The following GLIS3 variants were observed in gnomAD, a reference collection of about 807,000 sequenced individuals.
The protein encoded by GLIS3 is zinc finger protein GLIS3.
GLIS3 carries 53 observed loss-of-function variants against 78.6 expected under a neutral mutation model. The observed-to-expected ratio is 0.67, with a 90% CI of 0.54 to 0.85. The LOEUF is 0.85. Ranked by LOEUF, GLIS3 falls within the 40% of genes least tolerant of loss-of-function variation. The pLI, the probability that GLIS3 is intolerant of heterozygous loss-of-function variation, is 0.00. For missense variants in GLIS3, 1,703 were observed against 1,231.1 expected (o/e 1.38, Z -5.74); for synonymous variants, 684 against 509.9 (o/e 1.34, Z -4.60).
chr9:4,243,463 G>T (rs1293194761), intron 2 of GLIS3, among the ~76,000 whole-genome samples: 2 of 151,854 alleles, frequency 1.3e-5, no homozygotes, highest in Admixed American at 1.3e-4. Context: ...CTAACACCAG[G>T]GTAATCTTGA....
the GLIS3 span, among the ~76,000 whole-genome samples, chr9:4,435,812 G>A: frequency 1.3e-5 from 2 of 152,168 alleles, no homozygotes; most frequent in South Asian, 2.1e-4. Flanking sequence ...AGCCGGGCGT[G>A]GTGGCAGGCT....
At chr9:3,930,293 A>G (rs1021252044) in intron 6 of GLIS3, among the ~76,000 whole-genome samples, 2 of 152,240 alleles carry the variant, frequency 1.3e-5, no homozygotes, top group Admixed American at 6.5e-5. Context: ...ATCAAAAGCT[A>G]AGCCATTTGA....
chr9:4,214,298 A>C (rs1820629829), intron 2 of GLIS3, among the ~76,000 whole-genome samples: 1 of 152,256 alleles, frequency 6.6e-6, no homozygotes, highest in Non-Finnish European at 1.5e-5. Flanking sequence ...TTTCAAAGCT[A>C]TCAATGTGTC....
At chr9:4,410,918 T>C in the GLIS3 span, among the ~76,000 whole-genome samples, 1 of 152,236 alleles carries the variant, frequency 6.6e-6, no homozygotes, top group African/African-American at 2.4e-5. Flanking sequence ...TTAGTCACTG[T>C]GAGAAATATA....
the GLIS3 span, among the ~76,000 whole-genome samples, chr9:4,469,475 G>C: frequency 4.6e-5 from 7 of 152,084 alleles, no homozygotes; most frequent in Non-Finnish European, 8.8e-5. Flanking sequence ...ACTAAGGATT[G>C]AGAAACTCAC....
At chr9:4,275,886 A>G (rs1446560996) in intron 2 of GLIS3, among the ~76,000 whole-genome samples, 3 of 152,218 alleles carry the variant, frequency 2.0e-5, no homozygotes, top group Non-Finnish European at 2.9e-5. Context: ...ATCTCATAGG[A>G]TGCTGCCTTT....
At chr9:4,326,367 T>C (rs945473273) in intron 2 of GLIS3, among the ~76,000 whole-genome samples, 18 of 152,222 alleles carry the variant, frequency 1.2e-4, no homozygotes, top group African/African-American at 4.3e-4. Flanking sequence ...TGGAATATTA[T>C]TCAGCCTTCA....
intron 9 of GLIS3, among the ~76,000 whole-genome samples, chr9:3,836,251 G>T (rs1818344643): frequency 6.6e-6 from 1 of 152,218 alleles, no homozygotes; most frequent in South Asian, 2.1e-4. Context: ...AGAATTGGCA[G>T]CCCCTCAGTT....
intron 4 of GLIS3, among the ~76,000 whole-genome samples, chr9:4,116,213 G>A (rs964546085): frequency 6.6e-6 from 1 of 152,204 alleles, no homozygotes; most frequent in Non-Finnish European, 1.5e-5. Context: ...TTTCAGCCAG[G>A]ATTAGTCAGA....
chr9:3,952,682 G>C (rs1816778972), intron 4 of GLIS3, among the ~76,000 whole-genome samples: 2 of 152,092 alleles, frequency 1.3e-5, no homozygotes, highest in African/African-American at 4.8e-5. Flanking sequence ...GAATTTATCA[G>C]GTAATTTTTG....
intron 2 of GLIS3, among the ~76,000 whole-genome samples, chr9:4,251,546 G>C (rs890380363): frequency 2.6e-5 from 4 of 151,712 alleles, no homozygotes; most frequent in African/African-American, 9.7e-5. Flanking sequence ...ACACCAATGA[G>C]TCTTGAGTCT....
chr9:4,116,946 G>A (rs918411712), intron 4 of GLIS3, among the ~76,000 whole-genome samples: 1 of 152,040 alleles, frequency 6.6e-6, no homozygotes, highest in African/African-American at 2.4e-5. Context: ...AAACCCTGAG[G>A]GTTTCTGTGA....
At chr9:3,907,748 C>G (rs1339728394) in intron 6 of GLIS3, among the ~76,000 whole-genome samples, 1 of 152,116 alleles carries the variant, frequency 6.6e-6, no homozygotes, top group African/African-American at 2.4e-5. Flanking sequence ...CTGAGACTAC[C>G]TGAATTGGCA....
At chr9:4,381,817 A>G in the GLIS3 span, among the ~76,000 whole-genome samples, 1 of 152,192 alleles carries the variant, frequency 6.6e-6, no homozygotes, top group Non-Finnish European at 1.5e-5. Flanking sequence ...AGGAAGAGCC[A>G]TTATTTCTTT....
intron 4 of GLIS3, among the ~76,000 whole-genome samples, chr9:3,996,508 T>A (rs1422622358): frequency 1.3e-5 from 2 of 152,200 alleles, no homozygotes; most frequent in African/African-American, 4.8e-5. Context: ...TTCTGTTACA[T>A]TAAAAGTGCA....
intron 2 of GLIS3, among the ~76,000 whole-genome samples, chr9:4,217,243 T>C (rs1028442846): frequency 2.6e-5 from 4 of 152,156 alleles, no homozygotes; most frequent in Non-Finnish European, 5.9e-5. Context: ...GGGAAGAACA[T>C]AGGGTATGCA....
chr9:3,834,630 A>G (rs1340064843), intron 9 of GLIS3, among the ~76,000 whole-genome samples: 5 of 152,206 alleles, frequency 3.3e-5, no homozygotes, highest in Non-Finnish European at 5.9e-5. Context: ...ACCCACCCCA[A>G]GTTTAAATAA....
chr9:4,371,730 ACAC>A, the GLIS3 span, among the ~76,000 whole-genome samples: 1 of 150,612 alleles, frequency 6.6e-6, no homozygotes, highest in African/African-American at 2.5e-5. Context: ...AACAGAAATT[ACAC>A]CACGTTACTT....
chr9:4,188,464 G>T (rs1397702482), intron 2 of GLIS3, among the ~76,000 whole-genome samples: 3 of 149,286 alleles, frequency 2.0e-5, no homozygotes, highest in East Asian at 2.0e-4. Flanking sequence ...TCTCTTTTTT[G>T]GTTGTGTCTC....
Sources: allele counts gnomAD v4.1 joint callset (sites outside exome capture counted in the v4.1 genomes callset), GRCh38; gene constraint gnomAD v4.1.1; transcripts MANE v1.5; gene names NCBI Gene and HGNC (gene_info 2026-07-23, HGNC 2026-07-21).